AOX1: variants seen among roughly 807,000 people sequenced by gnomAD.
AOX1 encodes aldehyde oxidase 1.
A neutral mutation model predicts 169.5 loss-of-function variants in AOX1; 153 were observed. The observed-to-expected ratio is 0.90, with a 90% CI of 0.79 to 1.03. The LOEUF (loss-of-function observed/expected upper bound fraction) is 1.03, where lower values mean the gene tolerates loss of function less well. Among genes scored for constraint, AOX1 ranks in the 50% least tolerant of loss-of-function variants. The probability of loss-of-function intolerance (pLI) is 0.00; values close to 1 mark genes in which losing one functional copy is unlikely to be tolerated. For synonymous variants in AOX1, 562 were observed against 581.9 expected (o/e 0.97, Z 0.49); for missense variants, 1,656 against 1,663.9 (o/e 1.00, Z 0.08).
rs1192391553 is a variant in AOX1 at position 200,632,936 on chromosome 2, G to A, written c.2222-1855G>A. 9.1e-5 allele frequency among the ~76,000 whole-genome samples: 13 copies of A among 142,666 alleles called. No individual in the cohort carries two copies. In the South Asian group the frequency reaches 2.0e-3, roughly 22 times the overall value. The allele number at this position is 142,666 out of a possible 152,430, so 93.6% of individuals were successfully genotyped here. A position where few individuals can be genotyped will look rare whatever the true frequency, so the allele number is the denominator to read the frequency against. ...TTTTCAGATGGAATCTCACTCTGTC[G>A]CCCAGGCTGGAGTGCAGTGGTGTGA... On this transcript the variant is annotated intron_variant, in intron 20 of 34. Coordinates refer to ENST00000374700, the MANE Select transcript of AOX1 (RefSeq NM_001159.4).
At chr2:200,616,508 G>A (rs971400325) in intron 16 of AOX1, among the ~76,000 whole-genome samples, 1 of 152,222 alleles carries the variant, frequency 6.6e-6, no homozygotes, top group African/African-American at 2.4e-5. Context: ...AAGAACTGCT[G>A]ATTTGTTTAG....
chr2:200,657,165 A>AAAATATATATATATAT (rs1179205121), intron 27 of AOX1, among the ~76,000 whole-genome samples: 2 of 88,368 alleles, frequency 2.3e-5, no homozygotes, highest in African/African-American at 1.0e-4. Flanking sequence ...CTCTACCAAA[A>AAAATATATATATATAT]ATATATATAT....
At chr2:200,634,718 G>T in intron 20 of AOX1, 73 bp from the exon 21 acceptor site, 2 of 1,574,650 alleles carry the variant, frequency 1.3e-6, no homozygotes, top group Non-Finnish European at 1.7e-6. Flanking sequence ...TCTGCATAAC[G>T]GGATAATACC....
intron 25 of AOX1, among the ~76,000 whole-genome samples, chr2:200,644,643 T>G (rs2035415842): frequency 6.6e-6 from 1 of 152,236 alleles, no homozygotes. Flanking sequence ...CTTTTGGCAG[T>G]ATAGCCATTT....
downstream of AOX1, among the ~76,000 whole-genome samples, chr2:200,681,719 C>T (rs371076236): frequency 6.6e-6 from 1 of 152,208 alleles, no homozygotes; most frequent in East Asian, 1.9e-4. Context: ...TTCCACATGA[C>T]TGTTACATTC....
At chr2:200,600,530 C>G (rs539346464) in intron 5 of AOX1, among the ~76,000 whole-genome samples, 1 of 152,186 alleles carries the variant, frequency 6.6e-6, no homozygotes, top group Admixed American at 6.5e-5. Context: ...AAGTGATACC[C>G]TCTCAAGTTC....
At chr2:200,663,952 T>C (rs1354628750) in intron 31 of AOX1, among the ~76,000 whole-genome samples, 1 of 152,238 alleles carries the variant, frequency 6.6e-6, no homozygotes, top group Non-Finnish European at 1.5e-5. Flanking sequence ...GTCACTTTTA[T>C]TGAACCTGCC....
chr2:200,663,879 C>T (rs1388941525), intron 31 of AOX1, among the ~76,000 whole-genome samples: 3 of 152,154 alleles, frequency 2.0e-5, no homozygotes, highest in Non-Finnish European at 2.9e-5. Context: ...TTTAAATTTT[C>T]ATTTAATAAG....
intron 1 of AOX1, among the ~76,000 whole-genome samples, chr2:200,592,832 C>A (rs2034202114): frequency 6.6e-6 from 1 of 152,102 alleles, no homozygotes; most frequent in Non-Finnish European, 1.5e-5. Flanking sequence ...CTACTAATGT[C>A]TTTACTCTCA....
intron 20 of AOX1, among the ~76,000 whole-genome samples, chr2:200,627,972 T>C (rs1392972503): frequency 6.6e-6 from 1 of 152,166 alleles, no homozygotes; most frequent in Non-Finnish European, 1.5e-5. Context: ...CCTCTTCCCT[T>C]CCCTTTCTCC....
At position 200,666,726 on chromosome 2, in the gene AOX1, A is replaced by G. The variant is rs1219886702; in HGVS notation, c.3583A>G (p.Ile1195Val). ...TDIVMDVGCS[I>V]NPAIDIGQIE... is the part of the protein sequence containing the mutation. ...CATTGTCATGGATGTTGGCTGCAGT[A>G]TAAATCCAGCCATTGACATAGGCCA... The change falls in exon 32 of 35, where the codon ATA (isoleucine) becomes GTA (valine). Residue 1195 changes from isoleucine to valine, a missense_variant. Ile to Val is a conservative substitution (Grantham distance 29). Coordinates refer to ENST00000374700, the MANE Select transcript of AOX1 (RefSeq NM_001159.4). 6.2e-6 allele frequency: 10 copies of G among 1,610,980 alleles called. 1 individual carries two copies. The highest frequency in any genetic ancestry group is 2.2e-5 in the South Asian group (2 of 90,258).
At chr2:200,630,210 T>TAAAAAAAAAAAAAAA (rs57410809) in intron 20 of AOX1, among the ~76,000 whole-genome samples, 7 of 95,564 alleles carry the variant, frequency 7.3e-5, no homozygotes, top group African/African-American at 2.3e-4. Flanking sequence ...TCCTTCTATT[T>TAAAAAAAAAAAAAAA]AAAAAAAAAA....
At chr2:200,656,339 G>T (rs1048688882) in intron 26 of AOX1, among the ~76,000 whole-genome samples, 1 of 152,202 alleles carries the variant, frequency 6.6e-6, no homozygotes, top group Admixed American at 6.5e-5. Flanking sequence ...TTAGAGACTG[G>T]ATGTTTCTGA....
intron 29 of AOX1, among the ~76,000 whole-genome samples, chr2:200,661,247 C>G (rs528774558): frequency 6.4e-4 from 98 of 152,260 alleles, no homozygotes; most frequent in African/African-American, 2.2e-3. Context: ...AGCAGCCAAC[C>G]AAGCATTGTT....
chr2:200,653,540 G>A (rs1254200999), intron 26 of AOX1, among the ~76,000 whole-genome samples: 1 of 152,192 alleles, frequency 6.6e-6, no homozygotes, highest in South Asian at 2.1e-4. Flanking sequence ...TGTTGCCCAA[G>A]GACATCCAGC....
rs186832191 is a variant in AOX1 at position 200,602,491 on chromosome 2, C to G, written c.498+146C>G. The G allele has an allele frequency of 2.6e-5, 19 of 722,556 alleles. No homozygotes were observed. In the African/African-American group the frequency reaches 3.0e-4, roughly 11 times the overall value. 44.8% of individuals were successfully genotyped at this position (722,556 alleles called of 1,614,324 possible). On this transcript the variant is annotated intron_variant, in intron 6 of 34. Coordinates refer to ENST00000374700, the MANE Select transcript of AOX1 (RefSeq NM_001159.4). Reference sequence around the variant, plus strand: ...TTCTAGCTGCTGTTTGTTATTTGATCTTGAGCAGGGCACTTAACCTCATTC... The same window carrying G: ...TTCTAGCTGCTGTTTGTTATTTGATGTTGAGCAGGGCACTTAACCTCATTC...
At chr2:200,662,282 G>A (rs1037382747) in intron 30 of AOX1, among the ~76,000 whole-genome samples, 2 of 152,228 alleles carry the variant, frequency 1.3e-5, no homozygotes, top group African/African-American at 4.8e-5. Flanking sequence ...CAGGGCAGCA[G>A]AGGAGAGAGG....
intron 5 of AOX1, 60 bp downstream of exon 5, chr2:200,599,806 A>C: frequency 1.6e-6 from 2 of 1,265,108 alleles, no homozygotes; most frequent in Non-Finnish European, 2.0e-6. Context: ...ATTTTTTGAG[A>C]CGGAATCTCA....
chr2:200,595,255 A>C lies in AOX1; in HGVS notation c.104-17A>C. 1 of 1,603,814 alleles carries C rather than the reference A, an allele frequency of 6.2e-7. No homozygotes were observed. Reference sequence around the variant, plus strand: ...GAATTACATAACACATATGATCTTTAACTATACCTCTTCCAGTTCGACTCA... The same window carrying C: ...GAATTACATAACACATATGATCTTTCACTATACCTCTTCCAGTTCGACTCA... On this transcript the variant is annotated splice_polypyrimidine_tract_variant and intron_variant, in intron 2 of 34. Transcript: ENST00000374700.
Sources: allele counts gnomAD v4.1 joint callset (sites outside exome capture counted in the v4.1 genomes callset), GRCh38; gene constraint gnomAD v4.1.1; transcripts MANE v1.5; gene names NCBI Gene and HGNC (gene_info 2026-07-23, HGNC 2026-07-21).